TMEM232: variants seen among roughly 807,000 people sequenced by gnomAD.
The protein encoded by TMEM232 is transmembrane protein 232.
TMEM232 carries 80 observed loss-of-function variants against 78.8 expected under a neutral mutation model. The observed-to-expected ratio is 1.01, with a 90% CI of 0.85 to 1.22. The LOEUF (loss-of-function observed/expected upper bound fraction) is 1.22, where lower values mean the gene tolerates loss of function less well. TMEM232 is among the 50% of genes most tolerant of loss of function. TMEM232 has a pLI of 0.00. For missense variants in TMEM232, 881 were observed against 742.2 expected, an observed-to-expected ratio of 1.19 and a Z score of -2.17; for synonymous variants, 297 against 254.3, an observed-to-expected ratio of 1.17 and a Z score of -1.60.
chr5:110,494,388 T>A (rs1012940684), intron 12 of TMEM232, among the ~76,000 whole-genome samples: 3 of 152,092 alleles, frequency 2.0e-5, no homozygotes, highest in Non-Finnish European at 4.4e-5. Context: ...AAAAAATCAT[T>A]ACACTGAACT....
chr5:110,400,400 T>C (rs1159557303), intron 2 of TMEM232, among the ~76,000 whole-genome samples: 2 of 152,116 alleles, frequency 1.3e-5, no homozygotes, highest in Admixed American at 1.3e-4. Context: ...ATTACAATTA[T>C]TTGCTCAAAT....
chr5:110,595,524 T>G (rs557192100), intron 10 of TMEM232, among the ~76,000 whole-genome samples: 1 of 152,282 alleles, frequency 6.6e-6, no homozygotes, highest in South Asian at 2.1e-4. Context: ...ACTAAGAATT[T>G]TGATAAAAGG....
intron 4 of TMEM232, among the ~76,000 whole-genome samples, chr5:110,388,503 T>C (rs1029445993): frequency 3.3e-5 from 5 of 152,222 alleles, no homozygotes; most frequent in African/African-American, 1.2e-4. Flanking sequence ...GGTTGCTTTT[T>C]ATTAAAAGGA....
chr5:110,540,713 CA>C (rs930473053), intron 11 of TMEM232, among the ~76,000 whole-genome samples: 11 of 152,268 alleles, frequency 7.2e-5, no homozygotes, highest in Admixed American at 5.2e-4. Context: ...GGCACATTAG[CA>C]CAAAAGGCTG....
At chr5:110,626,397 T>C (rs1784428870) in intron 6 of TMEM232, among the ~76,000 whole-genome samples, 1 of 152,042 alleles carries the variant, frequency 6.6e-6, no homozygotes, top group African/African-American at 2.4e-5. Flanking sequence ...TCCTATTCTA[T>C]CAGTCTACGG....
chr5:110,723,757 T>G (rs1797884943), intron 1 of TMEM232, among the ~76,000 whole-genome samples: 1 of 152,220 alleles, frequency 6.6e-6, no homozygotes, highest in Admixed American at 6.5e-5. Context: ...ACATTTCTCC[T>G]GAAGCTTTCT....
chr5:110,650,423 T>C (rs1394197959), intron 2 of TMEM232, among the ~76,000 whole-genome samples: 1 of 151,940 alleles, frequency 6.6e-6, no homozygotes, highest in Admixed American at 6.6e-5. Context: ...GGAGGAAAAA[T>C]AGTCACTCTC....
At chr5:110,619,024 CT>C (rs1440791682) in intron 7 of TMEM232, among the ~76,000 whole-genome samples, 3 of 152,204 alleles carry the variant, frequency 2.0e-5, no homozygotes, top group African/African-American at 7.2e-5. Flanking sequence ...TGTTAAGTAA[CT>C]GTTCTTAAAG....
intron 4 of TMEM232, among the ~76,000 whole-genome samples, chr5:110,639,408 AAGG>A: frequency 6.6e-6 from 1 of 152,166 alleles, no homozygotes; most frequent in Non-Finnish European, 1.5e-5. Context: ...TCTTGAAAAT[AAGG>A]AGGTTTATTT....
intron 11 of TMEM232, among the ~76,000 whole-genome samples, chr5:110,551,624 GA>G: frequency 6.6e-6 from 1 of 152,196 alleles, no homozygotes; most frequent in Admixed American, 6.5e-5. Context: ...CAGAACTGAT[GA>G]AAAAATATCA....
At chr5:110,663,745 A>ATGTG (rs34518185) in intron 2 of TMEM232, among the ~76,000 whole-genome samples, 410 of 134,166 alleles carry the variant, frequency 3.1e-3, no homozygotes, top group South Asian at 5.5e-3. Context: ...GTGTGTGTGT[A>ATGTG]TGTGTGTGTG....
At chr5:110,458,866 C>G (rs779819337) in intron 12 of TMEM232, among the ~76,000 whole-genome samples, 5 of 152,164 alleles carry the variant, frequency 3.3e-5, no homozygotes, top group Non-Finnish European at 7.4e-5. Flanking sequence ...AAATACTCCA[C>G]ATAAATATTT....
At chr5:110,588,911 TA>T (rs1435140270) in intron 10 of TMEM232, among the ~76,000 whole-genome samples, 1 of 152,122 alleles carries the variant, frequency 6.6e-6, no homozygotes, top group Non-Finnish European at 1.5e-5. Flanking sequence ...TTCACCCTCT[TA>T]TACAAGACAC....
chr5:110,672,794 C>T (rs1007519549), intron 1 of TMEM232, among the ~76,000 whole-genome samples: 5 of 151,938 alleles, frequency 3.3e-5, no homozygotes, highest in Non-Finnish European at 7.4e-5. Context: ...AAGCTTGGAG[C>T]TATCAGCAAA....
chr5:110,493,783 TC>T (rs1457172772), intron 12 of TMEM232, among the ~76,000 whole-genome samples: 1 of 149,168 alleles, frequency 6.7e-6, no homozygotes, highest in Non-Finnish European at 1.5e-5. Flanking sequence ...GTGCCAAATA[TC>T]TTTTTTTTTT....
At chr5:110,449,942 A>T (rs1760083997) in intron 12 of TMEM232, among the ~76,000 whole-genome samples, 1 of 152,092 alleles carries the variant, frequency 6.6e-6, no homozygotes, top group South Asian at 2.1e-4. Flanking sequence ...CCCCACTCAG[A>T]TCTCATGTTA....
chr5:110,699,762 C>A (rs929813454), intron 1 of TMEM232, among the ~76,000 whole-genome samples: 9 of 152,002 alleles, frequency 5.9e-5, no homozygotes, highest in Non-Finnish European at 1.0e-4. Flanking sequence ...ACTGCCTTGT[C>A]CAGATTTTCT....
In TMEM232 at chr5:110,726,652, C is replaced by G. The variant is rs1194996307; in HGVS notation, c.-38G>C. On this transcript the variant is annotated 5_prime_UTR_variant, in exon 1 of 14. Coordinates refer to ENST00000455884, the MANE Select transcript of TMEM232 (RefSeq NM_001039763.4). The stretch of plus-strand genomic sequence containing the variant: ...CGCTGCGCTCTGAGCCGCTGGGAAC[C>G]AAGGCTGGTTGCTAAGGACGCTGTG... 6.6e-6 allele frequency: 1 copy of G among 152,194 alleles called. No homozygotes were observed. The highest frequency in any genetic ancestry group is 2.4e-5 in the African/African-American group (1 of 41,446). 9.4% of individuals were successfully genotyped at this position (152,194 alleles called of 1,614,324 possible).
chr5:110,510,365 G>T (rs373009226), intron 12 of TMEM232, among the ~76,000 whole-genome samples: 5 of 152,136 alleles, frequency 3.3e-5, no homozygotes, highest in African/African-American at 1.2e-4. Flanking sequence ...TCAACCAGTT[G>T]CTCAGCCTGG....
Sources: allele counts gnomAD v4.1 joint callset (sites outside exome capture counted in the v4.1 genomes callset), GRCh38; gene constraint gnomAD v4.1.1; transcripts MANE v1.5; gene names NCBI Gene and HGNC (gene_info 2026-07-23, HGNC 2026-07-21).